The following PSMD11 variants were observed in gnomAD, a reference collection of about 807,000 sequenced individuals.
PSMD11 encodes the protein proteasome 26S subunit, non-ATPase 11.
A neutral mutation model predicts 62.3 loss-of-function variants in PSMD11; 5 were observed. The observed-to-expected ratio is 0.08, with a 90% CI of 0.04 to 0.17. The LOEUF is 0.17. Among genes scored for constraint, PSMD11 ranks in the 10% least tolerant of loss-of-function variants. The pLI is 1.00. For missense variants in PSMD11, 310 were observed against 512.9 expected (o/e 0.60, Z 3.82); for synonymous variants, 191 against 191.8 (o/e 1.00, Z 0.03).
At chr17:32,465,285 G>T (rs985807715) in intron 5 of PSMD11, among the ~76,000 whole-genome samples, 1 of 151,958 alleles carries the variant, frequency 6.6e-6, no homozygotes, top group Non-Finnish European at 1.5e-5. Context: ...GCTAATTTTT[G>T]TATTTTTAGT....
chr17:32,449,408 A>G (rs1907425812), intron 2 of PSMD11, among the ~76,000 whole-genome samples: 1 of 152,198 alleles, frequency 6.6e-6, no homozygotes, highest in Non-Finnish European at 1.5e-5. Context: ...CTGTCTCAAA[A>G]AAAGATTTTT....
At chr17:32,475,525 C>T (rs999746165) in intron 8 of PSMD11, among the ~76,000 whole-genome samples, 4 of 151,158 alleles carry the variant, frequency 2.6e-5, no homozygotes, top group Non-Finnish European at 4.4e-5. Context: ...GATTGGCTGT[C>T]TATATAATCT....
intron 1 of PSMD11, among the ~76,000 whole-genome samples, chr17:32,446,547 C>A (rs1034392258): frequency 6.6e-6 from 1 of 152,170 alleles, no homozygotes; most frequent in East Asian, 1.9e-4. Flanking sequence ...GTGGCATAAA[C>A]GCACAGGCAT....
chr17:32,474,701 C>T (rs766260143), intron 7 of PSMD11, 63 bp from the exon 8 acceptor site: 1 of 1,537,274 alleles, frequency 6.5e-7, no homozygotes, highest in Non-Finnish European at 9.0e-7. Context: ...AAGAAATTTG[C>T]CCAAACCTTC....
chr17:32,463,891 A>G (rs1372272466), intron 3 of PSMD11, among the ~76,000 whole-genome samples, 158 bp from the exon 4 acceptor site: 2 of 152,224 alleles, frequency 1.3e-5, no homozygotes, highest in Non-Finnish European at 2.9e-5. Context: ...ATGCTCCATT[A>G]TGATATAACT....
At chr17:32,459,304 A>G (rs993447763) in intron 3 of PSMD11, among the ~76,000 whole-genome samples, 9 of 151,832 alleles carry the variant, frequency 5.9e-5, no homozygotes, top group African/African-American at 2.2e-4. Context: ...CTGCAGCCTC[A>G]ACTTCCTGGG....
chr17:32,461,117 G>T (rs763184283), intron 3 of PSMD11, among the ~76,000 whole-genome samples: 3 of 151,866 alleles, frequency 2.0e-5, no homozygotes, highest in East Asian at 2.0e-4. Context: ...TCGCACCGTC[G>T]CCCGGGCTGG....
intron 3 of PSMD11, among the ~76,000 whole-genome samples, chr17:32,461,017 T>G (rs1382658207): frequency 6.6e-6 from 1 of 152,064 alleles, no homozygotes. Flanking sequence ...CTTCCAGGGA[T>G]CTCTGGGGAG....
chr17:32,473,531 C>T (rs1187288865), intron 6 of PSMD11, among the ~76,000 whole-genome samples: 2 of 152,042 alleles, frequency 1.3e-5, no homozygotes, highest in Non-Finnish European at 2.9e-5. Context: ...CCGCCTGCCT[C>T]AGCCTCCCAA....
intron 2 of PSMD11, among the ~76,000 whole-genome samples, chr17:32,451,150 A>G (rs1907485710): frequency 6.6e-6 from 1 of 151,700 alleles, no homozygotes; most frequent in Admixed American, 6.6e-5. Flanking sequence ...AAAGAAAAAG[A>G]CATGTAGGGG....
At position 32,471,478 on chromosome 17, in the gene PSMD11, A is replaced by G. The variant is rs181068734; in HGVS notation, c.643+2285A>G. Among the ~76,000 whole-genome samples the G allele has an allele frequency of 4.3e-3, 650 of 152,370 alleles. 26 individuals carry two copies. Among genetic ancestry groups the G allele is most frequent in the Admixed American group, 0.038 (578 of 15,310 alleles). On this transcript the variant is annotated intron_variant, in intron 6 of 13. Transcript: ENST00000261712. ...TGATAAATATTTGAAATGAAAATAT[A>G]AGATGTTGGATTCCCTCTCCCATGC...
chr17:32,452,611 G>A (rs1051543214), intron 2 of PSMD11, among the ~76,000 whole-genome samples: 3 of 152,192 alleles, frequency 2.0e-5, no homozygotes, highest in Non-Finnish European at 2.9e-5. Context: ...TATACTTAAA[G>A]TATTTTTCAA....
chr17:32,480,282 T>G, intron 12 of PSMD11, 85 bp downstream of exon 12: 1 of 1,551,078 alleles, frequency 6.4e-7, no homozygotes, highest in Non-Finnish European at 8.9e-7. Context: ...ATGTTCTATT[T>G]GTTTCCCCCG....
chr17:32,459,569 T>C (rs1907763465), intron 3 of PSMD11, among the ~76,000 whole-genome samples: 1 of 151,834 alleles, frequency 6.6e-6, no homozygotes, highest in African/African-American at 2.4e-5. Context: ...AGATCTGAGT[T>C]TATTGAATTG....
At chr17:32,479,482 T>C in intron 10 of PSMD11, 106 bp downstream of exon 10, 1 of 1,455,588 alleles carries the variant, frequency 6.9e-7, no homozygotes, top group South Asian at 1.4e-5. Context: ...GTGTGCCTGG[T>C]GGGCAAGAGG....
chr17:32,482,472 C>A lies in PSMD11; in HGVS notation c.*1720C>A, dbSNP rs1361177656. 6.6e-6 allele frequency: 1 copy of A among 152,074 alleles called. No individual in the cohort carries two copies. The highest frequency in any genetic ancestry group is 1.5e-5 in the Non-Finnish European group (1 of 68,048). The allele number at this position is 152,074 out of a possible 1,614,324, so 9.4% of individuals were successfully genotyped here. A position where few individuals can be genotyped will look rare whatever the true frequency, so the allele number is the denominator to read the frequency against. On this transcript the variant is annotated 3_prime_UTR_variant, in exon 14 of 14. Coordinates refer to ENST00000261712, the MANE Select transcript of PSMD11 (RefSeq NM_002815.4). ...TAGTCTAGCTCTCATCTGGCCAAAG[C>A]TGTTATCTCATTTGTGTAATGGGAG...
At chr17:32,466,469 C>G (rs1361452157) in intron 5 of PSMD11, among the ~76,000 whole-genome samples, 1 of 152,154 alleles carries the variant, frequency 6.6e-6, no homozygotes, top group Non-Finnish European at 1.5e-5. Context: ...ATTATGTTTT[C>G]AGGGTTTATG....
At chr17:32,479,964 C>T in intron 11 of PSMD11, 78 bp downstream of exon 11, 2 of 1,541,400 alleles carry the variant, frequency 1.3e-6, no homozygotes, top group South Asian at 1.1e-5. Context: ...CCTGATTGGC[C>T]TCATTGGAAA....
intron 1 of PSMD11, chr17:32,446,165 T>C (rs1010759696): frequency 6.6e-6 from 1 of 152,232 alleles, no homozygotes; most frequent in South Asian, 2.1e-4. Context: ...TTGACGGCCT[T>C]ACTTTTTCTG....
Sources: gnomAD v4.1 joint callset for allele counts (sites outside exome capture counted in the v4.1 genomes callset) on GRCh38, gnomAD v4.1.1 for gene constraint, MANE v1.5 for transcripts, NCBI Gene and HGNC (gene_info 2026-07-23, HGNC 2026-07-21) for gene names.